TNR: variants seen among roughly 807,000 people sequenced by gnomAD.
TNR encodes the protein tenascin-R.
In TNR, 45 loss-of-function variants were observed where a neutral mutation model predicts 150.4. The observed-to-expected ratio is 0.30, with a 90% CI of 0.24 to 0.38. TNR has a LOEUF of 0.38. TNR is among the 10% of genes least tolerant of loss of function. The probability of loss-of-function intolerance (pLI) is 1.00; values close to 1 mark genes in which losing one functional copy is unlikely to be tolerated. For missense variants in TNR, 1,544 were observed against 1,759.1 expected, an observed-to-expected ratio of 0.88 and a Z score of 2.19; for synonymous variants, 687 against 678.4, an observed-to-expected ratio of 1.01 and a Z score of -0.20.
intron 2 of TNR, among the ~76,000 whole-genome samples, chr1:175,508,888 C>T (rs578189708): frequency 1.3e-3 from 192 of 152,286 alleles, no homozygotes; most frequent in African/African-American, 4.4e-3. Flanking sequence ...GTACTCAAAA[C>T]GACTTTCTTG....
intron 2 of TNR, among the ~76,000 whole-genome samples, chr1:175,444,307 A>G (rs1320686511): frequency 2.0e-5 from 3 of 152,196 alleles, no homozygotes; most frequent in Non-Finnish European, 4.4e-5. Flanking sequence ...CGAGAAATCT[A>G]AGACCCCTTT....
chr1:175,385,306 G>A (rs981938346), intron 8 of TNR, among the ~76,000 whole-genome samples: 2 of 152,226 alleles, frequency 1.3e-5, no homozygotes, highest in Admixed American at 1.3e-4. Flanking sequence ...GATGGGCACT[G>A]AGAGAGTCAG....
At chr1:175,718,017 C>G (rs545996086) in intron 1 of TNR, among the ~76,000 whole-genome samples, 14 of 152,338 alleles carry the variant, frequency 9.2e-5, no homozygotes, top group African/African-American at 3.4e-4. Context: ...GCAGAGGTTT[C>G]TGTTCACGTA....
chr1:175,541,192 C>T (rs189076130), intron 1 of TNR, among the ~76,000 whole-genome samples: 1 of 152,158 alleles, frequency 6.6e-6, no homozygotes, highest in Non-Finnish European at 1.5e-5. Context: ...GTACCATAAA[C>T]TCTCGCAATA....
Position 175,356,392 on chromosome 1 carries a change from G to T in TNR, c.3045C>A (p.Thr1015=). 1 of 1,614,024 alleles carries T rather than the reference G, an allele frequency of 6.2e-7. No individual in the cohort carries two copies. The part of the protein sequence containing the change: ...EFRLVDLLPS[T]HYTATMYATN... Reference sequence around the variant, plus strand: ...TGGCATACATGGTGGCAGTATAGTGGGTGCTAGGAAGCAGGTCAACAAGCC... The same window carrying T: ...TGGCATACATGGTGGCAGTATAGTGTGTGCTAGGAAGCAGGTCAACAAGCC... Residue 1015 remains threonine (T), a synonymous_variant, in exon 16 of 23, where the codon ACC becomes ACA. Transcript: ENST00000367674.
chr1:175,582,263 T>A (rs570790639), intron 1 of TNR, among the ~76,000 whole-genome samples: 21 of 152,350 alleles, frequency 1.4e-4, no homozygotes, highest in African/African-American at 4.8e-4. Context: ...GTTTTTGAGT[T>A]CTTGAAAGCC....
At chr1:175,381,455 G>T (rs900162455) in intron 8 of TNR, among the ~76,000 whole-genome samples, 1 of 152,188 alleles carries the variant, frequency 6.6e-6, no homozygotes, top group African/African-American at 2.4e-5. Context: ...GGGAAGTGTT[G>T]TCTCTGAAGG....
At chr1:175,419,287 G>A (rs139902155) in intron 2 of TNR, among the ~76,000 whole-genome samples, 20 of 152,242 alleles carry the variant, frequency 1.3e-4, no homozygotes, top group African/African-American at 4.6e-4. Context: ...ACTTTTAAAT[G>A]TGTTCAATCT....
chr1:175,361,397 C>G (rs1651580748), intron 14 of TNR, among the ~76,000 whole-genome samples: 1 of 152,148 alleles, frequency 6.6e-6, no homozygotes, highest in Non-Finnish European at 1.5e-5. Flanking sequence ...GACCTCACTT[C>G]TGGCCAACAC....
chr1:175,563,489 G>A (rs1571612473), intron 1 of TNR, among the ~76,000 whole-genome samples: 1 of 152,174 alleles, frequency 6.6e-6, no homozygotes, highest in Admixed American at 6.5e-5. Flanking sequence ...CCAGTTACTA[G>A]CCTTGAGAAC....
intron 2 of TNR, among the ~76,000 whole-genome samples, chr1:175,491,642 CTTTTTTTTTTT>C (rs60469855): frequency 4.7e-5 from 4 of 85,162 alleles, no homozygotes; most frequent in African/African-American, 2.2e-4. Flanking sequence ...CAGGCCCAGA[CTTTTTTTTTTT>C]TTTTTTTTTT....
At chr1:175,542,721 G>T (rs1363611696) in intron 1 of TNR, among the ~76,000 whole-genome samples, 1 of 151,992 alleles carries the variant, frequency 6.6e-6, no homozygotes, top group Non-Finnish European at 1.5e-5. Flanking sequence ...ACATGGCATT[G>T]GTCCAAAGTC....
intron 1 of TNR, among the ~76,000 whole-genome samples, chr1:175,687,341 C>G (rs1286376270): frequency 1.3e-5 from 2 of 152,134 alleles, no homozygotes; most frequent in African/African-American, 4.8e-5. Flanking sequence ...TCTAAGACAC[C>G]TCTGCTTACT....
At chr1:175,446,736 C>A (rs925226481) in intron 2 of TNR, among the ~76,000 whole-genome samples, 4 of 152,024 alleles carry the variant, frequency 2.6e-5, no homozygotes, top group South Asian at 2.1e-4. Context: ...TTGCAAGGGA[C>A]CTGTAAGTCA....
At chr1:175,613,378 T>C (rs1031131370) in intron 1 of TNR, among the ~76,000 whole-genome samples, 3 of 152,184 alleles carry the variant, frequency 2.0e-5, no homozygotes, top group African/African-American at 7.2e-5. Flanking sequence ...TAGCTTTAAA[T>C]TGGCCATGTT....
At chr1:175,610,726 CT>C (rs1223341837) in intron 1 of TNR, among the ~76,000 whole-genome samples, 2 of 152,198 alleles carry the variant, frequency 1.3e-5, no homozygotes, top group African/African-American at 4.8e-5. Flanking sequence ...GCAATAGCTC[CT>C]TTTATCCCTC....
At chr1:175,485,836 T>G (rs1388681934) in intron 2 of TNR, among the ~76,000 whole-genome samples, 1 of 152,216 alleles carries the variant, frequency 6.6e-6, no homozygotes, top group Non-Finnish European at 1.5e-5. Flanking sequence ...ATTTATTGGG[T>G]ATTTACCATG....
At chr1:175,493,409 C>T (rs1215279704) in intron 2 of TNR, among the ~76,000 whole-genome samples, 4 of 152,172 alleles carry the variant, frequency 2.6e-5, no homozygotes, top group African/African-American at 4.8e-5. Flanking sequence ...CATGCAGATG[C>T]CCAGCAGAAG....
chr1:175,650,960 C>CCT (rs1664963192), intron 1 of TNR, among the ~76,000 whole-genome samples: 1 of 29,658 alleles, frequency 3.4e-5, no homozygotes, highest in Non-Finnish European at 7.0e-5. Context: ...TCATTACTCC[C>CCT]CCCCACCTCA....
Sources: allele counts gnomAD v4.1 joint callset (sites outside exome capture counted in the v4.1 genomes callset), GRCh38; gene constraint gnomAD v4.1.1; transcripts MANE v1.5; gene names NCBI Gene and HGNC (gene_info 2026-07-23, HGNC 2026-07-21).